COMMD9: variants seen among roughly 807,000 people sequenced by gnomAD.
COMMD9 encodes the protein COMM domain-containing protein 9.
COMMD9 carries 22 observed loss-of-function variants against 23.4 expected under a neutral mutation model. That is an observed-to-expected ratio of 0.94 (90% confidence interval 0.67 to 1.34). The LOEUF (loss-of-function observed/expected upper bound fraction) is 1.34. Ranked by LOEUF, COMMD9 falls within the 40% of genes most tolerant of loss-of-function variation. COMMD9 has a pLI of 0.00. For synonymous variants in COMMD9, 99 were observed against 97.4 expected (o/e 1.02, Z -0.10); for missense variants, 231 against 240.2 (o/e 0.96, Z 0.25).
At chr11:36,276,945 GA>G in intron 4 of COMMD9, 143 bp downstream of exon 4, 1 of 511,786 alleles carries the variant, frequency 2.0e-6, no homozygotes, top group Non-Finnish European at 3.2e-6. Context: ...TAGAATTAGG[GA>G]AAAAACCCAC....
rs903790111 is a variant in COMMD9, at chr11:36,273,965, T to G, written c.*667A>C. On this transcript the variant is annotated 3_prime_UTR_variant, in exon 6 of 6. Coordinates refer to ENST00000263401, the MANE Select transcript of COMMD9 (RefSeq NM_014186.4). Reference sequence around the variant, plus strand: ...AAGAAGCTACAAAAATCATGGAAGTTTTAGAACTGTTGTTTAGTTCCAATT... The same window carrying G: ...AAGAAGCTACAAAAATCATGGAAGTGTTAGAACTGTTGTTTAGTTCCAATT... 6 of 188,492 alleles carry G rather than the reference T, an allele frequency of 3.2e-5. No individual in the cohort carries two copies. The highest frequency in any genetic ancestry group is 1.2e-4 in the African/African-American group (5 of 43,022). The allele number at this position is 188,492 out of a possible 1,614,324, so 11.7% of individuals were successfully genotyped here.
At chr11:36,287,171 G>A (rs138028233) in intron 1 of COMMD9, among the ~76,000 whole-genome samples, 9,147 of 9,638 alleles carry the variant, frequency 0.95, 4,357 homozygotes, top group Middle Eastern at 1. Context: ...TGTATATCGC[G>A]TAGTATGTAT....
chr11:36,284,046 C>T (rs1347318324), intron 1 of COMMD9, among the ~76,000 whole-genome samples: 6 of 152,070 alleles, frequency 3.9e-5, no homozygotes, highest in South Asian at 2.1e-4. Flanking sequence ...GTAAAGGCTG[C>T]GGTGAGCCGA....
intron 1 of COMMD9, among the ~76,000 whole-genome samples, chr11:36,288,508 G>A (rs759038709): frequency 1.3e-5 from 2 of 152,152 alleles, no homozygotes; most frequent in African/African-American, 4.8e-5. Flanking sequence ...CAAATCATAA[G>A]TTAAATAATT....
At chr11:36,276,952 C>T in intron 4 of COMMD9, 137 bp downstream of exon 4, 7 of 535,652 alleles carry the variant, frequency 1.3e-5, no homozygotes, top group Non-Finnish European at 2.1e-5. Flanking sequence ...AGGGAAAAAA[C>T]CCACCATACA....
At chr11:36,284,712 T>C (rs72946168) in intron 1 of COMMD9, among the ~76,000 whole-genome samples, 5,667 of 152,168 alleles carry the variant, frequency 0.037, 134 homozygotes, top group Middle Eastern at 0.071. Context: ...TAGAAAGCAA[T>C]AGCAGAAAGG....
rs1466613995 is a variant in COMMD9 at position 36,274,635 on chromosome 11, T to A, written c.594A>T (p.Lys198Asn). The change falls in exon 6 of 6, where the codon AAA (lysine) becomes AAT (asparagine). Residue 198 changes from lysine (K) to asparagine (N), a missense_variant. Coordinates refer to ENST00000263401, the MANE Select transcript of COMMD9 (RefSeq NM_014186.4). ...IRDQLSAVAS[K>N] is the part of the protein sequence containing the mutation. The stretch of plus-strand genomic sequence containing the variant: ...GTGGCCCTGGCAGCTGGCTGGATCA[T>A]TTACTGGCCACGGCAGAGAGTTGGT... 6.2e-7 allele frequency: 1 copy of A among 1,614,208 alleles called. No homozygotes were observed. Among genetic ancestry groups the A allele is most frequent in the South Asian group, 1.1e-5 (1 of 91,082 alleles).
At chr11:36,286,410 AAAAG>A (rs1179106289) in intron 1 of COMMD9, among the ~76,000 whole-genome samples, 12 of 104,814 alleles carry the variant, frequency 1.1e-4, no homozygotes, top group South Asian at 3.1e-4. Context: ...AAAAAAAAAA[AAAAG>A]AAAGAAAGAA....
chr11:36,281,210 G>GA (rs1415292054), intron 1 of COMMD9, among the ~76,000 whole-genome samples: 6 of 152,122 alleles, frequency 3.9e-5, no homozygotes, highest in African/African-American at 9.7e-5. Flanking sequence ...GCAGAGGGGG[G>GA]AAAAACGCTA....
In COMMD9 at chr11:36,274,459, G is replaced by A. The variant is rs555910144; in HGVS notation, c.*173C>T. ...AAGAAGATGAGTGAGAACAGCGGGGGATCTGGCTGCTTCTTCCCAATCCAA... is the reference window on the plus strand; with the variant it reads ...AAGAAGATGAGTGAGAACAGCGGGGAATCTGGCTGCTTCTTCCCAATCCAA... On this transcript the variant is annotated 3_prime_UTR_variant, in exon 6 of 6. Transcript: ENST00000263401. 2 of 816,434 alleles carry A rather than the reference G, an allele frequency of 2.4e-6. No individual in the cohort carries two copies. Among genetic ancestry groups the A allele is most frequent in the East Asian group, 2.5e-5 (1 of 40,726 alleles). The allele number at this position is 816,434 out of a possible 1,614,324, so 50.6% of individuals were successfully genotyped here.
intron 4 of COMMD9, chr11:36,276,725 C>T (rs1855979183): frequency 4.8e-6 from 1 of 209,364 alleles, no homozygotes; most frequent in Non-Finnish European, 9.6e-6. Flanking sequence ...ATTAACTGCT[C>T]CAGCACTGTG....
intron 2 of COMMD9, among the ~76,000 whole-genome samples, chr11:36,279,143 T>A (rs1476581187): frequency 6.6e-6 from 1 of 152,164 alleles, no homozygotes; most frequent in African/African-American, 2.4e-5. Flanking sequence ...AGATACCGGC[T>A]CCTGTGGAGT....
At position 36,277,108 on chromosome 11, in the gene COMMD9, G is replaced by A. The variant is rs761485646; in HGVS notation, c.333C>T (p.Thr111=). ...IILEHVSTWR[T]EAQANQISLP... ...ACTCACTCTGATTTGCCTGGGCTTC[G>A]GTTCTCCAAGTAGACCTGTTTAAGA... Residue 111 remains threonine, a synonymous_variant, in exon 4 of 6, where the codon ACC becomes ACT. Transcript: ENST00000263401. 37 of 1,604,320 alleles carry A rather than the reference G, an allele frequency of 2.3e-5. No individual in the cohort carries two copies. The highest frequency in any genetic ancestry group is 2.7e-5 in the Non-Finnish European group (32 of 1,175,458).
intron 1 of COMMD9, among the ~76,000 whole-genome samples, chr11:36,282,156 A>G (rs2133430037): frequency 1.3e-5 from 2 of 152,266 alleles, no homozygotes; most frequent in South Asian, 2.1e-4. Flanking sequence ...GACATGCGGG[A>G]CTATAACGAA....
chr11:36,280,633 G>A, intron 2 of COMMD9, 79 bp downstream of exon 2: 1 of 1,395,862 alleles, frequency 7.2e-7, no homozygotes, highest in Non-Finnish European at 9.6e-7. Flanking sequence ...ATTTTCCTTG[G>A]ACATGGCAAT....
chr11:36,281,049 A>G (rs892178792), intron 1 of COMMD9, among the ~76,000 whole-genome samples: 18 of 152,340 alleles, frequency 1.2e-4, no homozygotes, highest in South Asian at 2.1e-4. Flanking sequence ...CAGAAAACAT[A>G]CATAAGACTC....
Sources: gnomAD v4.1 joint callset for allele counts (sites outside exome capture counted in the v4.1 genomes callset) on GRCh38, gnomAD v4.1.1 for gene constraint, MANE v1.5 for transcripts, NCBI Gene and HGNC (gene_info 2026-07-23, HGNC 2026-07-21) for gene names.